PCDH9: variants seen among roughly 807,000 people sequenced by gnomAD.
PCDH9 encodes the protein protocadherin 9.
PCDH9 carries 24 observed loss-of-function variants against 70.6 expected under a neutral mutation model. That is an observed-to-expected ratio of 0.34 (90% CI 0.25 to 0.48). The LOEUF (loss-of-function observed/expected upper bound fraction) is 0.48, where lower values mean the gene tolerates loss of function less well. Ranked by LOEUF, PCDH9 falls within the 20% of genes least tolerant of loss-of-function variation. The pLI is 0.99. For synonymous variants in PCDH9, 562 were observed against 558.5 expected (o/e 1.01, Z -0.09); for missense variants, 1,281 against 1,503.6 (o/e 0.85, Z 2.45).
chr13:66,397,909 G>GT (rs1389070290), intron 4 of PCDH9, among the ~76,000 whole-genome samples: 1 of 151,760 alleles, frequency 6.6e-6, no homozygotes, highest in Non-Finnish European at 1.5e-5. Flanking sequence ...TGTTGTCTTT[G>GT]TGAAGTAATC....
At chr13:66,654,430 CAAT>C (rs1030764410) in intron 3 of PCDH9, among the ~76,000 whole-genome samples, 2 of 151,638 alleles carry the variant, frequency 1.3e-5, no homozygotes, top group African/African-American at 4.9e-5. Flanking sequence ...CTACAGTCAA[CAAT>C]AATTTATTGT....
At chr13:66,987,990 C>A (rs2083928893) in intron 2 of PCDH9, among the ~76,000 whole-genome samples, 1 of 151,776 alleles carries the variant, frequency 6.6e-6, no homozygotes, top group Non-Finnish European at 1.5e-5. Flanking sequence ...TCAATAAGTT[C>A]TTGGGCTCAA....
At chr13:67,155,774 T>G (rs2087794994) in intron 2 of PCDH9, among the ~76,000 whole-genome samples, 1 of 151,956 alleles carries the variant, frequency 6.6e-6, no homozygotes, top group Non-Finnish European at 1.5e-5. Flanking sequence ...TTTGTGGGAA[T>G]AATAATAATA....
intron 2 of PCDH9, among the ~76,000 whole-genome samples, chr13:66,966,086 A>G (rs2083430711): frequency 6.6e-6 from 1 of 152,132 alleles, no homozygotes; most frequent in Admixed American, 6.6e-5. Context: ...TGTATCATAT[A>G]TTTACTTGGC....
chr13:66,682,511 G>A (rs2078342197), intron 3 of PCDH9, among the ~76,000 whole-genome samples: 1 of 151,848 alleles, frequency 6.6e-6, no homozygotes, highest in Admixed American at 6.6e-5. Flanking sequence ...TTCCTGTCCT[G>A]TTTCCAGCTC....
intron 3 of PCDH9, among the ~76,000 whole-genome samples, chr13:66,819,512 A>G (rs931324059): frequency 6.6e-6 from 1 of 152,144 alleles, no homozygotes; most frequent in Non-Finnish European, 1.5e-5. Context: ...GAAATGATTC[A>G]ATGAAAGGAC....
At chr13:66,521,213 A>G (rs1222531486) in intron 4 of PCDH9, among the ~76,000 whole-genome samples, 2 of 152,130 alleles carry the variant, frequency 1.3e-5, no homozygotes, top group African/African-American at 4.8e-5. Flanking sequence ...TATGAGTTAC[A>G]CTAACTGTGA....
chr13:66,478,833 G>T (rs1024582125), intron 4 of PCDH9, among the ~76,000 whole-genome samples: 1 of 152,228 alleles, frequency 6.6e-6, no homozygotes, highest in African/African-American at 2.4e-5. Context: ...GCTGCAACAA[G>T]TTAGCCAGAA....
chr13:66,412,799 CTAATTGAG>C (rs1957393761), intron 4 of PCDH9, among the ~76,000 whole-genome samples: 1 of 152,044 alleles, frequency 6.6e-6, no homozygotes, highest in African/African-American at 2.4e-5. Flanking sequence ...TGTCCTTCTG[CTAATTGAG>C]TAAAAGTAAT....
At chr13:66,681,962 T>TATATATATAC (rs2078327722) in intron 3 of PCDH9, among the ~76,000 whole-genome samples, 1 of 149,110 alleles carries the variant, frequency 6.7e-6, no homozygotes, top group African/African-American at 2.5e-5. Flanking sequence ...TATATATATA[T>TATATATATAC]ATATATTTGA....
intron 2 of PCDH9, chr13:67,002,016 C>T (rs2084255558): frequency 1.3e-5 from 2 of 152,056 alleles, no homozygotes; most frequent in South Asian, 4.1e-4. Flanking sequence ...AAATGTGCTC[C>T]TTGTTTTCAG....
intron 3 of PCDH9, among the ~76,000 whole-genome samples, chr13:66,810,466 A>G (rs1363104375): frequency 6.6e-6 from 1 of 152,068 alleles, no homozygotes; most frequent in Non-Finnish European, 1.5e-5. Context: ...ATCTATTGAA[A>G]ATTAGATAAA....
chr13:67,218,238 C>G (rs546612002), intron 2 of PCDH9: 1 of 152,194 alleles, frequency 6.6e-6, no homozygotes, highest in Admixed American at 6.6e-5. Context: ...CAGAGCTTCC[C>G]TGTCTGTGAT....
intron 3 of PCDH9, among the ~76,000 whole-genome samples, chr13:66,732,939 G>A (rs1253066036): frequency 1.1e-4 from 17 of 152,080 alleles, no homozygotes; most frequent in Admixed American, 4.6e-4. Context: ...ACACACAGAT[G>A]TATATTCACA....
chr13:67,100,365 A>C (rs2086407565), intron 2 of PCDH9, among the ~76,000 whole-genome samples: 1 of 152,156 alleles, frequency 6.6e-6, no homozygotes, highest in South Asian at 2.1e-4. Flanking sequence ...CTTTTTTCTT[A>C]AAAAGAAAAA....
intron 4 of PCDH9, among the ~76,000 whole-genome samples, chr13:66,602,411 G>T (rs1364833269): frequency 6.9e-6 from 1 of 145,508 alleles, no homozygotes; most frequent in African/African-American, 2.5e-5. Context: ...AAAATGCAGA[G>T]GTGGAAGGCA....
chr13:67,027,778 C>G (rs1382777259), intron 2 of PCDH9, among the ~76,000 whole-genome samples: 1 of 151,232 alleles, frequency 6.6e-6, no homozygotes, highest in Non-Finnish European at 1.5e-5. Context: ...AGACACTTCT[C>G]AAAAGAAGAC....
At position 66,815,019 on chromosome 13, in the gene PCDH9, G is replaced by C. The variant is rs112129988; in HGVS notation, c.3138+88485C>G. On this transcript the variant is annotated intron_variant, in intron 3 of 4. Transcript: ENST00000377865. ...ATTTGCAATCTACACATCCCACAAA[G>C]GTCTAATATCCAGAATCTATAAGTA... Among the ~76,000 whole-genome samples the C allele has an allele frequency of 5.3e-5, 8 of 152,150 alleles. 1 individual carries two copies. The highest frequency in any genetic ancestry group is 1.9e-4 in the African/African-American group (8 of 41,506).
chr13:66,401,210 G>A (rs924521685), intron 4 of PCDH9, among the ~76,000 whole-genome samples: 3 of 152,154 alleles, frequency 2.0e-5, no homozygotes, highest in African/African-American at 7.2e-5. Context: ...ATCTTGAATT[G>A]TAGTCCGAAT....
Sources: gnomAD v4.1 joint callset for allele counts (sites outside exome capture counted in the v4.1 genomes callset) on GRCh38, gnomAD v4.1.1 for gene constraint, MANE v1.5 for transcripts, NCBI Gene and HGNC (gene_info 2026-07-23, HGNC 2026-07-21) for gene names.